HCRTR2: variants seen among roughly 807,000 people sequenced by gnomAD.
HCRTR2 encodes orexin receptor type 2.
HCRTR2 carries 22 observed loss-of-function variants against 49.0 expected under a neutral mutation model. The ratio of observed to expected loss-of-function variants is 0.45; its 90% CI spans 0.32 to 0.64. HCRTR2 has a LOEUF of 0.64. Ranked by LOEUF, HCRTR2 falls within the 30% of genes least tolerant of loss-of-function variation. The probability of loss-of-function intolerance (pLI) is 0.04; values close to 1 mark genes in which losing one functional copy is unlikely to be tolerated. For synonymous variants in HCRTR2, 236 were observed against 205.3 expected, an observed-to-expected ratio of 1.15 and a Z score of -1.28; for missense variants, 491 against 559.4, an observed-to-expected ratio of 0.88 and a Z score of 1.23.
intron 1 of HCRTR2, among the ~76,000 whole-genome samples, chr6:55,207,877 T>C (rs1019069434): frequency 4.6e-5 from 7 of 152,208 alleles, no homozygotes; most frequent in African/African-American, 1.7e-4. Flanking sequence ...TTAATATATA[T>C]CTGCATTCAT....
At chr6:55,254,647 C>A (rs1766615055) in intron 2 of HCRTR2, among the ~76,000 whole-genome samples, 1 of 151,956 alleles carries the variant, frequency 6.6e-6, no homozygotes, top group African/African-American at 2.4e-5. Flanking sequence ...ATAAGCTACC[C>A]ATAATTTAAA....
chr6:55,192,640 T>C (rs1244002715), intron 1 of HCRTR2, among the ~76,000 whole-genome samples: 1 of 152,202 alleles, frequency 6.6e-6, no homozygotes, highest in African/African-American at 2.4e-5. Context: ...AATTTTTGTT[T>C]TGTATTTACA....
intron 1 of HCRTR2, among the ~76,000 whole-genome samples, chr6:55,182,107 G>A (rs1765143628): frequency 6.6e-6 from 1 of 152,194 alleles, no homozygotes; most frequent in Non-Finnish European, 1.5e-5. Flanking sequence ...AACATCTGAG[G>A]TGGGTTGGAG....
intron 1 of HCRTR2, among the ~76,000 whole-genome samples, chr6:55,120,440 G>T (rs2127236982): frequency 6.6e-6 from 1 of 152,048 alleles, no homozygotes; most frequent in South Asian, 2.1e-4. Context: ...CTTGAGCAGT[G>T]GTTTGCAGTT....
intron 1 of HCRTR2, among the ~76,000 whole-genome samples, chr6:55,243,315 A>G (rs1766369956): frequency 6.6e-6 from 1 of 152,152 alleles, no homozygotes; most frequent in African/African-American, 2.4e-5. Context: ...ATACAGACTA[A>G]CCATAAATTG....
At chr6:55,271,085 G>A (rs1017972142) in intron 4 of HCRTR2, among the ~76,000 whole-genome samples, 4 of 152,072 alleles carry the variant, frequency 2.6e-5, no homozygotes, top group Non-Finnish European at 4.4e-5. Flanking sequence ...GCAAGGGATA[G>A]AGAAGAGCCA....
intron 1 of HCRTR2, among the ~76,000 whole-genome samples, chr6:55,110,070 C>G (rs1308744561): frequency 6.6e-6 from 1 of 152,072 alleles, no homozygotes; most frequent in African/African-American, 2.4e-5. Context: ...CTATATTTAG[C>G]CTCCTACAAC....
At chr6:55,145,793 C>A (rs1414755826) in intron 1 of HCRTR2, among the ~76,000 whole-genome samples, 1 of 151,946 alleles carries the variant, frequency 6.6e-6, no homozygotes, top group Admixed American at 6.6e-5. Flanking sequence ...ATACCATATT[C>A]TCTCCCCTGT....
At chr6:55,193,123 A>G (rs1413054144) in intron 1 of HCRTR2, among the ~76,000 whole-genome samples, 1 of 152,156 alleles carries the variant, frequency 6.6e-6, no homozygotes, top group African/African-American at 2.4e-5. Context: ...TCATCAAACA[A>G]ATATTGAAAG....
intron 2 of HCRTR2, among the ~76,000 whole-genome samples, chr6:55,251,284 A>G (rs1766544996): frequency 6.6e-6 from 1 of 152,150 alleles, no homozygotes; most frequent in Non-Finnish European, 1.5e-5. Flanking sequence ...TAAATACAAT[A>G]CAGCCTTTAG....
chr6:55,228,472 A>G (rs1017101010), intron 1 of HCRTR2, among the ~76,000 whole-genome samples: 6 of 152,210 alleles, frequency 3.9e-5, no homozygotes, highest in African/African-American at 1.4e-4. Flanking sequence ...GTATCTTACA[A>G]TCTGTGATTC....
chr6:55,140,204 C>T (rs1353910589), intron 1 of HCRTR2, among the ~76,000 whole-genome samples: 2 of 152,126 alleles, frequency 1.3e-5, no homozygotes, highest in Non-Finnish European at 2.9e-5. Context: ...CTCCCACAAT[C>T]TCCCTGTCTT....
chr6:55,240,318 A>T (rs1240171956), intron 1 of HCRTR2, among the ~76,000 whole-genome samples: 1 of 135,444 alleles, frequency 7.4e-6, no homozygotes, highest in African/African-American at 2.7e-5. Context: ...AGATAGTGCC[A>T]CTGCAGTTCG....
At chr6:55,161,399 C>T (rs1319542563) in intron 1 of HCRTR2, among the ~76,000 whole-genome samples, 1 of 151,996 alleles carries the variant, frequency 6.6e-6, no homozygotes, top group Non-Finnish European at 1.5e-5. Flanking sequence ...CTAAAATCAA[C>T]ACCCTAACAT....
intron 1 of HCRTR2, among the ~76,000 whole-genome samples, chr6:55,201,195 C>A (rs1308949713): frequency 6.6e-6 from 1 of 152,062 alleles, no homozygotes; most frequent in African/African-American, 2.4e-5. Flanking sequence ...GAAAATATAT[C>A]AGATATTTTT....
At chr6:55,284,362 C>A (rs931275392), downstream of HCRTR2, among the ~76,000 whole-genome samples, 1 of 152,130 alleles carries the variant, frequency 6.6e-6, no homozygotes, top group Non-Finnish European at 1.5e-5. Flanking sequence ...GCATCAGCAT[C>A]ATCTGGGAAC....
intron 1 of HCRTR2, among the ~76,000 whole-genome samples, chr6:55,237,975 A>C (rs981499624): frequency 6.6e-6 from 1 of 152,112 alleles, no homozygotes; most frequent in African/African-American, 2.4e-5. Flanking sequence ...TATCCACTCC[A>C]CAAGCTTTAA....
At chr6:55,196,622 A>G (rs562112203) in intron 1 of HCRTR2, among the ~76,000 whole-genome samples, 1 of 152,308 alleles carries the variant, frequency 6.6e-6, no homozygotes, top group South Asian at 2.1e-4. Flanking sequence ...TTTTGTTTAC[A>G]TTCATCAGAT....
rs1212186663 is a variant in HCRTR2, at chr6:55,278,074, T to TA, written c.983+481dup. Among the ~76,000 whole-genome samples the TA allele has an allele frequency of 9.9e-5, 15 of 152,172 alleles. No individual in the cohort carries two copies. In the East Asian group the frequency reaches 1.5e-3, roughly 16 times the overall value. On this transcript the variant is annotated intron_variant, in intron 5 of 6. Transcript: ENST00000370862. ...TAAAAGTGCATTGGCGAGCACTTTT[T>TA]AAAAAAAGCCATCAAGGCAGATATG...
Sources: allele counts gnomAD v4.1 joint callset (sites outside exome capture counted in the v4.1 genomes callset), GRCh38; gene constraint gnomAD v4.1.1; transcripts MANE v1.5; gene names NCBI Gene and HGNC (gene_info 2026-07-23, HGNC 2026-07-21).